ARFGEF1: variants seen among roughly 807,000 people sequenced by gnomAD.
ARFGEF1 encodes the protein brefeldin A-inhibited guanine nucleotide-exchange protein 1.
Under a neutral mutation model 231.0 loss-of-function variants are expected in ARFGEF1, and 42 were observed. That is an observed-to-expected ratio of 0.18 (90% CI 0.14 to 0.24). ARFGEF1 has a LOEUF of 0.24. Among genes scored for constraint, ARFGEF1 ranks in the 10% least tolerant of loss-of-function variants. The probability of loss-of-function intolerance (pLI) is 1.00; values close to 1 mark genes in which losing one functional copy is unlikely to be tolerated. For synonymous variants in ARFGEF1, 710 were observed against 732.3 expected, an observed-to-expected ratio of 0.97 and a Z score of 0.49; for missense variants, 1,345 against 2,192.0, an observed-to-expected ratio of 0.61 and a Z score of 7.72.
chr8:67,197,111 A>G (rs1477275701), downstream of ARFGEF1, among the ~76,000 whole-genome samples: 2 of 152,198 alleles, frequency 1.3e-5, no homozygotes, highest in Non-Finnish European at 2.9e-5. Flanking sequence ...GCATTCAAGT[A>G]GTGTAGCCTG....
downstream of ARFGEF1, chr8:67,193,390 C>G (rs1471327046): frequency 5.1e-6 from 7 of 1,364,818 alleles, no homozygotes; most frequent in East Asian, 7.1e-5. Flanking sequence ...AGGCACCATG[C>G]CTGGCCCTGA....
chr8:67,321,512 G>A (rs1474772297), intron 1 of ARFGEF1, among the ~76,000 whole-genome samples: 1 of 152,180 alleles, frequency 6.6e-6, no homozygotes, highest in Non-Finnish European at 1.5e-5. Context: ...CCAGGCTGGA[G>A]TGCAGTGGTG....
intron 38 of ARFGEF1, chr8:67,200,138 A>G: frequency 2.1e-6 from 1 of 470,556 alleles, no homozygotes; most frequent in South Asian, 1.7e-5. Flanking sequence ...TTGTCAAGGT[A>G]TCCCAAGGGA....
intron 34 of ARFGEF1, 120 bp downstream of exon 34, chr8:67,211,363 A>G (rs996228023): frequency 9.0e-5 from 61 of 674,362 alleles, no homozygotes; most frequent in African/African-American, 1.3e-4. Context: ...AAAAAAAAAA[A>G]AAGAAGTGAT....
intron 1 of ARFGEF1, among the ~76,000 whole-genome samples, chr8:67,328,249 G>A (rs764838965): frequency 1.2e-4 from 19 of 152,022 alleles, no homozygotes; most frequent in Non-Finnish European, 2.6e-4. Flanking sequence ...ATAGCCATGG[G>A]TGCTACTAAT....
intron 1 of ARFGEF1, among the ~76,000 whole-genome samples, chr8:67,309,419 G>C (rs946135316): frequency 3.7e-4 from 57 of 152,300 alleles, no homozygotes; most frequent in African/African-American, 1.3e-3. Context: ...ATAGTATGCA[G>C]ACATTTAATA....
chr8:67,177,609 T>C (rs1832002426), intron 5 of ARFGEF1: 6 of 945,316 alleles, frequency 6.3e-6, no homozygotes, highest in African/African-American at 5.0e-5. Context: ...AAAAAAGATA[T>C]TCTAAAATTT....
At chr8:67,184,108 C>T (rs561384191) in intron 5 of ARFGEF1, among the ~76,000 whole-genome samples, 2 of 152,212 alleles carry the variant, frequency 1.3e-5, no homozygotes, top group South Asian at 4.1e-4. Flanking sequence ...CGGCCTTGGC[C>T]TCCCAAAGTG....
intron 1 of ARFGEF1, among the ~76,000 whole-genome samples, chr8:67,326,416 C>T (rs1052586378): frequency 2.0e-5 from 3 of 152,154 alleles, no homozygotes; most frequent in African/African-American, 7.2e-5. Context: ...TTAAAACAAC[C>T]TATACTCTTG....
At position 67,234,569 on chromosome 8, in the gene ARFGEF1, A is replaced by C. The variant is rs565961460; in HGVS notation, c.3290-1624T>G. On this transcript the variant is annotated intron_variant, in intron 22 of 38. Transcript: ENST00000262215. ...TCACATACTTGGTAGTATAGCCATA[A>C]TGAAGGATTGGCAGACACCAGGAAG... Among the ~76,000 whole-genome samples, 20 of 152,290 alleles carry C rather than the reference A, an allele frequency of 1.3e-4. No individual in the cohort carries two copies. The South Asian group carries it at 3.9e-3, about 30-fold the overall frequency.
intron 10 of ARFGEF1, among the ~76,000 whole-genome samples, chr8:67,270,279 T>C (rs1326933206): frequency 6.6e-6 from 1 of 152,164 alleles, no homozygotes; most frequent in Non-Finnish European, 1.5e-5. Flanking sequence ...TCCAAAAATA[T>C]GGCCCAAATT....
At chr8:67,197,497 A>G (rs1428917111), downstream of ARFGEF1, among the ~76,000 whole-genome samples, 2 of 152,176 alleles carry the variant, frequency 1.3e-5, no homozygotes, top group Admixed American at 1.3e-4. Context: ...TAAGTATCCT[A>G]TGGTAAGTAC....
At position 67,314,414 on chromosome 8, in the gene ARFGEF1, C is replaced by G. The variant is rs182296833; in HGVS notation, c.125-11948G>C. 2.0e-5 allele frequency among the ~76,000 whole-genome samples: 3 copies of G among 152,282 alleles called. No homozygotes were observed. In the East Asian group the frequency reaches 5.8e-4, roughly 29 times the overall value. Reference sequence around the variant, plus strand: ...TGTGATGCCAGGCAGGAATGGGCTGCTTGGGGACCCAGCAAGCTCCCAGGG... The same window carrying G: ...TGTGATGCCAGGCAGGAATGGGCTGGTTGGGGACCCAGCAAGCTCCCAGGG... On this transcript the variant is annotated intron_variant, in intron 1 of 38. Transcript: ENST00000262215.
rs539115170 is a variant in ARFGEF1 at position 67,200,606 on chromosome 8, A to G, written c.5268-93T>C. On this transcript the variant is annotated intron_variant, in intron 37 of 38. Transcript: ENST00000262215. ...AGCAATCATGAACATAGTAGTGAAT[A>G]TGAACTATTCAAGAACATGTTAGAT... The G allele has an allele frequency of 2.8e-5, 21 of 758,818 alleles. No homozygotes were observed. The East Asian group carries it at 4.4e-4, about 16-fold the overall frequency. The allele number at this position is 758,818 out of a possible 1,614,324, so 47.0% of individuals were successfully genotyped here.
chr8:67,206,062 G>A (rs1240651001), intron 34 of ARFGEF1, among the ~76,000 whole-genome samples: 1 of 152,032 alleles, frequency 6.6e-6, no homozygotes, highest in Non-Finnish European at 1.5e-5. Context: ...TCGTAGTTGT[G>A]ACTGAAATTA....
intron 1 of ARFGEF1, among the ~76,000 whole-genome samples, chr8:67,327,824 T>C (rs1235129038): frequency 6.6e-6 from 1 of 152,250 alleles, no homozygotes; most frequent in Non-Finnish European, 1.5e-5. Flanking sequence ...TTTCAGTAAG[T>C]ATATTTCAAG....
At chr8:67,338,707 T>C (rs535728190) in intron 1 of ARFGEF1, among the ~76,000 whole-genome samples, 1 of 152,320 alleles carries the variant, frequency 6.6e-6, no homozygotes, top group South Asian at 2.1e-4. Context: ...ACAAATAGGA[T>C]CAATCTTTCG....
At chr8:67,302,559 T>C in intron 1 of ARFGEF1, 93 bp from the exon 2 acceptor site, 1 of 877,102 alleles carries the variant, frequency 1.1e-6, no homozygotes, top group South Asian at 2.4e-5. Context: ...TTGGAACTTC[T>C]ACAAAAAGTT....
At chr8:67,306,703 G>A (rs924561303) in intron 1 of ARFGEF1, among the ~76,000 whole-genome samples, 5 of 152,182 alleles carry the variant, frequency 3.3e-5, no homozygotes, top group Admixed American at 3.3e-4. Flanking sequence ...CAAAGTAACA[G>A]CAGCTACTCA....
Sources: gnomAD v4.1 joint callset for allele counts (sites outside exome capture counted in the v4.1 genomes callset) on GRCh38, gnomAD v4.1.1 for gene constraint, MANE v1.5 for transcripts, NCBI Gene and HGNC (gene_info 2026-07-23, HGNC 2026-07-21) for gene names.